TBCB: variants seen among roughly 807,000 people sequenced by gnomAD.
The protein encoded by TBCB is tubulin-folding cofactor B.
In TBCB, 18 loss-of-function variants were observed where a neutral mutation model predicts 29.2. The observed-to-expected ratio is 0.62, with a 90% confidence interval of 0.43 to 0.91. The LOEUF (loss-of-function observed/expected upper bound fraction) is 0.91. Among genes scored for constraint, TBCB ranks in the 40% least tolerant of loss-of-function variants. The pLI, the probability that TBCB is intolerant of heterozygous loss-of-function variation, is 0.00. For synonymous variants in TBCB, 172 were observed against 137.8 expected (o/e 1.25, Z -1.74); for missense variants, 336 against 337.6 (o/e 1.00, Z 0.04).
At chr19:36,125,573 C>G in intron 5 of TBCB, 50 bp downstream of exon 5, 1 of 1,611,768 alleles carries the variant, frequency 6.2e-7, no homozygotes, top group African/African-American at 1.3e-5. Flanking sequence ...GTGTGTAAGT[C>G]CATGCGTGCT....
chr19:36,121,565 C>A lies in TBCB; in HGVS notation c.394C>A (p.Arg132=). The stretch of plus-strand genomic sequence containing the variant: ...TTTCCTGAAGCGCAGCAAGCTCGGC[C>A]GGTACAACGAGGAGGAGCGGGCTCA... ...RSFLKRSKLG[R]YNEEERAQQE... The change falls in exon 4 of 6, where the codon CGG becomes AGG. Residue 132 remains arginine (R), a synonymous_variant. Coordinates refer to ENST00000221855, the MANE Select transcript of TBCB (RefSeq NM_001281.3). 3.8e-6 allele frequency: 6 copies of A among 1,560,330 alleles called. No individual in the cohort carries two copies. The highest frequency in any genetic ancestry group is 5.2e-6 in the Non-Finnish European group (6 of 1,153,960).
Position 36,125,796 on chromosome 19 carries a change from C to A in TBCB, c.*14C>A, listed in dbSNP as rs1212258566. On this transcript the variant is annotated 3_prime_UTR_variant, in exon 6 of 6. Transcript: ENST00000221855. ...GACGAGATATGACACCTAAGGAATTCCCCTGCTTCAGCTCCTAGCTCAGCC... is the reference window on the plus strand; with the variant it reads ...GACGAGATATGACACCTAAGGAATTACCCTGCTTCAGCTCCTAGCTCAGCC... 6.7e-7 allele frequency: 1 copy of A among 1,491,322 alleles called. No homozygotes were observed. Among genetic ancestry groups the A allele is most frequent in the African/African-American group, 1.4e-5 (1 of 71,256 alleles). The allele number at this position is 1,491,322 out of a possible 1,614,324, so 92.4% of individuals were successfully genotyped here. A position where few individuals can be genotyped will look rare whatever the true frequency, so the allele number is the denominator to read the frequency against.
rs1973935270 is a variant in TBCB, at chr19:36,115,613, C to A, written c.53C>A (p.Ser18Tyr). Residue 18 changes from serine (S) to tyrosine (Y), a missense_variant, in exon 1 of 6, where the codon TCC (serine) becomes TAC (tyrosine). Physicochemically the swap from Ser to Tyr is moderately radical, Grantham distance 144. Transcript: ENST00000221855. ...ACGGTGACCGTTTTCATCAGCAGCT[C>A]CCTCAACACCTTCCGCTCCGAGAAG... is the stretch of plus-strand genomic sequence containing the variant. ...APTVTVFISS[S>Y]LNTFRSEKRY... The A allele has an allele frequency of 6.2e-7, 1 of 1,609,858 alleles. No homozygotes were observed.
At chr19:36,121,844 C>T (rs569740030) in intron 4 of TBCB, 126 bp downstream of exon 4, 1,145 of 1,213,002 alleles carry the variant, frequency 9.4e-4, no homozygotes, top group Non-Finnish European at 1.2e-3. Flanking sequence ...GGACTCGAAA[C>T]GATCTCAGTC....
At chr19:36,116,716 C>G (rs542408165) in intron 2 of TBCB, 1 of 152,362 alleles carries the variant, frequency 6.6e-6, no homozygotes, top group Non-Finnish European at 1.5e-5. Context: ...GCAGCCTTCA[C>G]CTCCTGGGTT....
At chr19:36,123,639 C>G (rs1974093572) in intron 4 of TBCB, among the ~76,000 whole-genome samples, 1 of 152,048 alleles carries the variant, frequency 6.6e-6, no homozygotes, top group Non-Finnish European at 1.5e-5. Context: ...TTTGGGAGGC[C>G]AAGGTGGGCA....
upstream of TBCB, chr19:36,115,054 G>A: frequency 1.6e-6 from 1 of 607,492 alleles, no homozygotes. Flanking sequence ...ATATCTTAGA[G>A]TAATTGCTTC....
At chr19:36,121,845 G>A in intron 4 of TBCB, 127 bp downstream of exon 4, 2 of 1,216,944 alleles carry the variant, frequency 1.6e-6, no homozygotes, top group Non-Finnish European at 2.3e-6. Context: ...GACTCGAAAC[G>A]ATCTCAGTCC....
chr19:36,116,222 C>T lies in TBCB; in HGVS notation c.258+38C>T, dbSNP rs143733124. On this transcript the variant is annotated intron_variant, in intron 2 of 5. Transcript: ENST00000221855. Reference sequence around the variant, plus strand: ...TATCTGGGACACTCCCCCACCCCACCTTTCATTTGGTTATTCAACAGACAC... The same window carrying T: ...TATCTGGGACACTCCCCCACCCCACTTTTCATTTGGTTATTCAACAGACAC... 41 of 1,605,116 alleles carry T rather than the reference C, an allele frequency of 2.6e-5. No homozygotes were observed. The Middle Eastern group carries it at 5.0e-4, about 20-fold the overall frequency.
rs746452751 is a variant in TBCB at position 36,120,685 on chromosome 19, C to T, written c.259-25C>T. On this transcript the variant is annotated intron_variant, in intron 2 of 5. Coordinates refer to ENST00000221855, the MANE Select transcript of TBCB (RefSeq NM_001281.3). ...GGCCTCCCTGGCCAGACCCTGATCC[C>T]CACGGAGCCCCTCCCCTCACACAGG... 25 of 1,611,936 alleles carry T rather than the reference C, an allele frequency of 1.6e-5. No individual in the cohort carries two copies. The African/African-American group carries it at 2.5e-4, about 16-fold the overall frequency.
intron 2 of TBCB, among the ~76,000 whole-genome samples, chr19:36,118,917 C>T (rs539284419): frequency 3.9e-5 from 6 of 152,056 alleles, no homozygotes; most frequent in Admixed American, 1.3e-4. Context: ...GTAGGGAGAC[C>T]AGGAAGGGGC....
At chr19:36,122,773 AG>A (rs1479695944) in intron 4 of TBCB, among the ~76,000 whole-genome samples, 3 of 150,558 alleles carry the variant, frequency 2.0e-5, no homozygotes, top group Non-Finnish European at 4.4e-5. Flanking sequence ...AAAAAAAAAA[AG>A]ATACACGGGG....
chr19:36,121,722 CGTG>C lies in TBCB; in HGVS notation c.547+6_547+8del, dbSNP rs1568383542. 1 of 1,548,584 alleles carries C rather than the reference CGTG, an allele frequency of 6.5e-7. No homozygotes were observed. Among genetic ancestry groups the C allele is most frequent in the East Asian group, 2.4e-5 (1 of 41,184 alleles). On this transcript the variant is annotated splice_donor_5th_base_variant and intron_variant, in intron 4 of 5. Transcript: ENST00000221855. ...CGGGGCACCGTCATGTATGTAGGTGCGTGGCTCGCGGGCCCGGTCCCGGGCTCC... is the reference window on the plus strand; with the variant it reads ...CGGGGCACCGTCATGTATGTAGGTGCGCTCGCGGGCCCGGTCCCGGGCTCC...
In TBCB at chr19:36,125,821, C is replaced by T. The variant is rs775900445; in HGVS notation, c.*39C>T. Reference sequence around the variant, plus strand: ...CCCCTGCTTCAGCTCCTAGCTCAGCCACTGACTGCCCCTCCTGTGTGTGCC... The same window carrying T: ...CCCCTGCTTCAGCTCCTAGCTCAGCTACTGACTGCCCCTCCTGTGTGTGCC... On this transcript the variant is annotated 3_prime_UTR_variant, in exon 6 of 6. Coordinates refer to ENST00000221855, the MANE Select transcript of TBCB (RefSeq NM_001281.3). The T allele has an allele frequency of 2.8e-6, 4 of 1,415,696 alleles. No homozygotes were observed. Among genetic ancestry groups the T allele is most frequent in the Non-Finnish European group, 3.8e-6 (4 of 1,058,620 alleles). 87.7% of individuals were successfully genotyped at this position (1,415,696 alleles called of 1,614,324 possible). A position where few individuals can be genotyped will look rare whatever the true frequency, so the allele number is the denominator to read the frequency against.
intron 2 of TBCB, among the ~76,000 whole-genome samples, chr19:36,119,056 C>G (rs996016419): frequency 2.0e-5 from 3 of 152,096 alleles, no homozygotes; most frequent in Admixed American, 6.6e-5. Flanking sequence ...TCATAGGCAC[C>G]TCATAGGCAG....
At position 36,120,850 on chromosome 19, in the gene TBCB, A is replaced by T. The variant is rs755102214; in HGVS notation, c.355+44A>T. ...CGAGGGGTGCGTGGGGGCCAGAGGG[A>T]GTATGTGCAGGTATGAGGGCGGGCA... On this transcript the variant is annotated intron_variant, in intron 3 of 5. Coordinates refer to ENST00000221855, the MANE Select transcript of TBCB (RefSeq NM_001281.3). 29 of 1,592,046 alleles carry T rather than the reference A, an allele frequency of 1.8e-5. No homozygotes were observed. In the South Asian group the frequency reaches 3.2e-4, roughly 18 times the overall value.
chr19:36,115,533 G>A lies in TBCB; in HGVS notation c.-28G>A. On this transcript the variant is annotated 5_prime_UTR_variant, in exon 1 of 6. Coordinates refer to ENST00000221855, the MANE Select transcript of TBCB (RefSeq NM_001281.3). Reference sequence around the variant, plus strand: ...AGCGGGTGTGAGGCGGCTGGACCGCGCTGCAGGCATCCGCAGGGCGCGGCA... The same window carrying A: ...AGCGGGTGTGAGGCGGCTGGACCGCACTGCAGGCATCCGCAGGGCGCGGCA... The A allele has an allele frequency of 1.3e-6, 2 of 1,556,318 alleles. No individual in the cohort carries two copies. The highest frequency in any genetic ancestry group is 1.7e-6 in the Non-Finnish European group (2 of 1,145,330).
At chr19:36,116,015 C>T (rs978509301) in intron 1 of TBCB, 26 bp from the exon 2 acceptor site, 3 of 1,605,648 alleles carry the variant, frequency 1.9e-6, no homozygotes, top group Non-Finnish European at 2.6e-6. Context: ...TGGCCTCCTT[C>T]TTCTCACCCT....
In TBCB at chr19:36,115,665, T is replaced by G. The variant is rs768020512; in HGVS notation, c.105T>G (p.Ala35=). 3 of 1,577,610 alleles carry G rather than the reference T, an allele frequency of 1.9e-6. No individual in the cohort carries two copies. The highest frequency in any genetic ancestry group is 2.9e-5 in the African/African-American group (2 of 68,150). Residue 35 remains alanine (A), a synonymous_variant, in exon 1 of 6, where the codon GCT becomes GCG. Coordinates refer to ENST00000221855, the MANE Select transcript of TBCB (RefSeq NM_001281.3). ...GATACAGCCGCAGCCTCACCATCGC[T>G]GAGTTCAAGGTGTGGCCATGGGGGC... ...EKRYSRSLTI[A]EFKCKLELLV... is the part of the protein sequence containing the mutation.
Sources: gnomAD v4.1 joint callset for allele counts (sites outside exome capture counted in the v4.1 genomes callset) on GRCh38, gnomAD v4.1.1 for gene constraint, MANE v1.5 for transcripts, NCBI Gene and HGNC (gene_info 2026-07-23, HGNC 2026-07-21) for gene names.